ATP8A2: variants seen among roughly 807,000 people sequenced by gnomAD.
ATP8A2 encodes phospholipid-transporting ATPase IB.
A neutral mutation model predicts 165.6 loss-of-function variants in ATP8A2; 100 were observed. The ratio of observed to expected loss-of-function variants is 0.60; its 90% CI spans 0.51 to 0.71. The LOEUF (loss-of-function observed/expected upper bound fraction) is 0.71, where lower values mean the gene tolerates loss of function less well. Ranked by LOEUF, ATP8A2 falls within the 30% of genes least tolerant of loss-of-function variation. ATP8A2 has a pLI of 0.00. For missense variants in ATP8A2, 1,227 were observed against 1,479.5 expected (o/e 0.83, Z 2.80); for synonymous variants, 543 against 548.8 (o/e 0.99, Z 0.15).
In ATP8A2 at chr13:25,623,107, C is replaced by T. The variant is rs140954510; in HGVS notation, c.2211+33408C>T. On this transcript the variant is annotated intron_variant, in intron 24 of 36. Coordinates refer to ENST00000381655, the MANE Select transcript of ATP8A2 (RefSeq NM_016529.6). Reference sequence around the variant, plus strand: ...TTCAACAAAATGCCAGGACTGGCCACGCACAGTAGCTCATGCCTGTAATCT... The same window carrying T: ...TTCAACAAAATGCCAGGACTGGCCATGCACAGTAGCTCATGCCTGTAATCT... Among the ~76,000 whole-genome samples, 626 of 152,288 alleles carry T rather than the reference C, an allele frequency of 4.1e-3. 2 individuals are homozygous for T. The highest frequency in any genetic ancestry group is 0.014 in the African/African-American group (585 of 41,558).
chr13:25,722,512 A>G (rs1034020854), intron 25 of ATP8A2, among the ~76,000 whole-genome samples: 17 of 152,076 alleles, frequency 1.1e-4, no homozygotes, highest in Admixed American at 7.9e-4. Flanking sequence ...AGACTGGTAT[A>G]TGTTTTGCAT....
rs1957100131 is a variant in ATP8A2 at position 26,022,742 on chromosome 13, G to A, written c.*2757G>A. ...ACACACAACCCCTCCCCTGGGGCAG[G>A]GTGGACTGGACTAGGTTGCATACGC... On this transcript the variant is annotated 3_prime_UTR_variant, in exon 37 of 37. Transcript: ENST00000381655. The A allele has an allele frequency of 2.0e-5, 3 of 152,328 alleles. 1 individual carries two copies. The East Asian group carries it at 5.8e-4, about 29-fold the overall frequency. 9.4% of individuals were successfully genotyped at this position (152,328 alleles called of 1,614,324 possible). A position where few individuals can be genotyped will look rare whatever the true frequency, so the allele number is the denominator to read the frequency against.
intron 30 of ATP8A2, among the ~76,000 whole-genome samples, chr13:25,844,588 A>T (rs1392555793): frequency 6.6e-6 from 1 of 152,058 alleles, no homozygotes; most frequent in East Asian, 1.9e-4. Context: ...CCAAAGAGGC[A>T]TAGGAACATG....
chr13:25,646,168 C>A (rs2137598475), intron 24 of ATP8A2, among the ~76,000 whole-genome samples: 1 of 152,072 alleles, frequency 6.6e-6, no homozygotes, highest in African/African-American at 2.4e-5. Context: ...ATATAATGTC[C>A]TTCTTTGTCT....
chr13:25,619,652 A>T (rs893302240), intron 24 of ATP8A2, among the ~76,000 whole-genome samples: 3 of 152,210 alleles, frequency 2.0e-5, no homozygotes, highest in African/African-American at 4.8e-5. Flanking sequence ...ACAACAAATT[A>T]AAAATTCTAA....
chr13:25,515,398 A>G (rs926524061), intron 2 of ATP8A2, among the ~76,000 whole-genome samples: 1 of 152,256 alleles, frequency 6.6e-6, no homozygotes, highest in East Asian at 1.9e-4. Context: ...GGATTGACAT[A>G]TCTTCTGAGA....
At chr13:25,685,099 C>T (rs1271348759) in intron 24 of ATP8A2, among the ~76,000 whole-genome samples, 2 of 152,168 alleles carry the variant, frequency 1.3e-5, no homozygotes, top group African/African-American at 2.4e-5. Context: ...CCTATCCTGT[C>T]GCCCTCTGGC....
chr13:25,925,727 A>G (rs889174160), intron 33 of ATP8A2, among the ~76,000 whole-genome samples: 1 of 82,572 alleles, frequency 1.2e-5, no homozygotes, highest in Non-Finnish European at 2.4e-5. Context: ...TAAAGTTGTC[A>G]ATCTTTTTTT....
At chr13:26,014,634 T>TA (rs1001044456) in intron 36 of ATP8A2, among the ~76,000 whole-genome samples, 6 of 151,796 alleles carry the variant, frequency 4.0e-5, no homozygotes, top group Admixed American at 6.6e-5. Flanking sequence ...ATTTCTATGT[T>TA]AAAAAAACAA....
chr13:25,458,569 G>A (rs2035423979), intron 1 of ATP8A2, among the ~76,000 whole-genome samples: 1 of 152,230 alleles, frequency 6.6e-6, no homozygotes, highest in African/African-American at 2.4e-5. Flanking sequence ...ATTTTAAGGA[G>A]TGTTTGGAAT....
chr13:25,932,364 C>G (rs910656523), intron 33 of ATP8A2, among the ~76,000 whole-genome samples: 1 of 152,124 alleles, frequency 6.6e-6, no homozygotes, highest in Non-Finnish European at 1.5e-5. Context: ...CGCAGCTTCC[C>G]GCAAGAAAGA....
At chr13:25,784,443 C>G (rs1003738331) in intron 27 of ATP8A2, among the ~76,000 whole-genome samples, 1 of 152,228 alleles carries the variant, frequency 6.6e-6, no homozygotes, top group Non-Finnish European at 1.5e-5. Flanking sequence ...AGGCCTCTTG[C>G]ATTCAGAGAC....
At chr13:25,574,120 T>C (rs1265581540) in intron 18 of ATP8A2, among the ~76,000 whole-genome samples, 3 of 152,112 alleles carry the variant, frequency 2.0e-5, no homozygotes, top group Admixed American at 2.0e-4. Flanking sequence ...AATCTGAAAA[T>C]AGCATGCGCA....
At chr13:25,960,384 C>T (rs1050188134) in intron 33 of ATP8A2, among the ~76,000 whole-genome samples, 2 of 152,126 alleles carry the variant, frequency 1.3e-5, no homozygotes, top group African/African-American at 4.8e-5. Flanking sequence ...TAGACCCTCC[C>T]AGTCCCTGTG....
At chr13:25,640,341 A>G (rs2041484601) in intron 24 of ATP8A2, among the ~76,000 whole-genome samples, 1 of 152,154 alleles carries the variant, frequency 6.6e-6, no homozygotes, top group South Asian at 2.1e-4. Flanking sequence ...GATCAACAAA[A>G]TTGATAGACT....
chr13:25,425,094 G>A (rs17082274), intron 1 of ATP8A2, among the ~76,000 whole-genome samples: 4,499 of 152,154 alleles, frequency 0.03, 105 homozygotes, highest in South Asian at 0.11. Flanking sequence ...TTTTAAAGAG[G>A]TAACGACATG....
chr13:25,681,213 C>T (rs2042480416), intron 24 of ATP8A2, among the ~76,000 whole-genome samples: 1 of 152,134 alleles, frequency 6.6e-6, no homozygotes, highest in African/African-American at 2.4e-5. Context: ...AGGGAGTGTC[C>T]AGATACCCGG....
chr13:25,501,498 A>G (rs1397068544), intron 2 of ATP8A2, among the ~76,000 whole-genome samples: 1 of 152,164 alleles, frequency 6.6e-6, no homozygotes. Flanking sequence ...CACAGACTGG[A>G]TTGTTTGGTT....
chr13:25,743,348 C>T (rs915259893), intron 25 of ATP8A2, among the ~76,000 whole-genome samples: 3 of 152,160 alleles, frequency 2.0e-5, no homozygotes, highest in African/African-American at 7.2e-5. Context: ...ATCTACACCT[C>T]CGGCTTTCAG....
Sources: gnomAD v4.1 joint callset for allele counts (sites outside exome capture counted in the v4.1 genomes callset) on GRCh38, gnomAD v4.1.1 for gene constraint, MANE v1.5 for transcripts, NCBI Gene and HGNC (gene_info 2026-07-23, HGNC 2026-07-21) for gene names.